THOC1: variants seen among roughly 807,000 people sequenced by gnomAD.
The protein encoded by THOC1 is THO complex subunit 1.
THOC1 carries 29 observed loss-of-function variants against 97.3 expected under a neutral mutation model. That is an observed-to-expected ratio of 0.30 (90% CI 0.22 to 0.41). The LOEUF (loss-of-function observed/expected upper bound fraction) is 0.41, where lower values mean the gene tolerates loss of function less well. THOC1 is among the 10% of genes least tolerant of loss of function. THOC1 has a pLI of 1.00. For synonymous variants in THOC1, 255 were observed against 257.0 expected (o/e 0.99, Z 0.07); for missense variants, 529 against 761.9 (o/e 0.69, Z 3.60).
At chr18:240,137 G>T (rs2143227714) in intron 11 of THOC1, among the ~76,000 whole-genome samples, 1 of 152,312 alleles carries the variant, frequency 6.6e-6, no homozygotes, top group South Asian at 2.1e-4. Context: ...CTAATAAGAA[G>T]GTTGGGTGAC....
At chr18:231,140 G>T (rs1003316906) in intron 11 of THOC1, among the ~76,000 whole-genome samples, 1 of 151,876 alleles carries the variant, frequency 6.6e-6, no homozygotes, top group African/African-American at 2.4e-5. Flanking sequence ...AGTACAGAAG[G>T]GTCTCGCTAT....
intron 11 of THOC1, among the ~76,000 whole-genome samples, chr18:228,527 G>GGA (rs753600011): frequency 7.3e-5 from 11 of 150,580 alleles, no homozygotes; most frequent in Non-Finnish European, 1.5e-4. Context: ...ATGTAAGGGG[G>GGA]AAAAAAAAAC....
chr18:263,508 T>C (rs1912670488), intron 4 of THOC1: 1 of 152,552 alleles, frequency 6.6e-6, no homozygotes, highest in African/African-American at 2.4e-5. Context: ...TTTCTTAGTA[T>C]GTCTAACAAA....
In THOC1 at chr18:214,885, T is replaced by G. The variant is rs1179413090; in HGVS notation, c.1715A>C (p.Glu572Ala). 6.2e-7 allele frequency: 1 copy of G among 1,613,858 alleles called. No homozygotes were observed. The highest frequency in any genetic ancestry group is 1.3e-5 in the African/African-American group (1 of 74,918). Residue 572 changes from glutamate (E) to alanine (A), a missense_variant, in exon 21 of 21, where the codon GAA becomes GCA. Physicochemically the swap from Glu to Ala is moderately radical, Grantham distance 107. Coordinates refer to ENST00000261600, the MANE Select transcript of THOC1 (RefSeq NM_005131.3). Reference protein sequence around the residue: ...DVRRDKPVTGEQIEVFANKLG... With the variant: ...DVRRDKPVTGAQIEVFANKLG... Reference sequence around the variant, plus strand: ...CTTGTTGGCAAATACCTCTATTTGTTCTCCTGTTACAGGTTTGTCTCGCCG... The same window carrying G: ...CTTGTTGGCAAATACCTCTATTTGTGCTCCTGTTACAGGTTTGTCTCGCCG...
intron 11 of THOC1, among the ~76,000 whole-genome samples, chr18:227,244 G>A (rs1210624214): frequency 1.3e-5 from 2 of 152,134 alleles, no homozygotes; most frequent in Non-Finnish European, 2.9e-5. Context: ...TACTCAGGAA[G>A]CTGAGAAGGA....
At chr18:227,043 G>A in intron 11 of THOC1, 142 bp from the exon 12 acceptor site, 1 of 666,086 alleles carries the variant, frequency 1.5e-6, no homozygotes, top group Non-Finnish European at 2.6e-6. Context: ...TGCATGTGAG[G>A]CATTACCGCA....
intron 12 of THOC1, chr18:226,546 C>T (rs985517015): frequency 4.0e-5 from 14 of 352,138 alleles, no homozygotes; most frequent in Non-Finnish European, 6.8e-5. Flanking sequence ...GCAGAGACCT[C>T]CACCTGCTAA....
rs567808886 is a variant in THOC1 at position 217,705 on chromosome 18, A to AAAT, written c.1455-1075_1455-1073dup. 4.6e-5 allele frequency among the ~76,000 whole-genome samples: 7 copies of AAAT among 152,302 alleles called. No individual in the cohort carries two copies. In the East Asian group the frequency reaches 1.4e-3, roughly 29 times the overall value. ...CATTTGGATAGTGGTAAGTGCCGTG[A>AAAT]AATAAAAACCACGAGAATGCAAAAG... On this transcript the variant is annotated intron_variant, in intron 18 of 20. Transcript: ENST00000261600.
intron 1 of THOC1, among the ~76,000 whole-genome samples, chr18:267,210 T>C (rs1912803391): frequency 6.6e-6 from 1 of 152,120 alleles, no homozygotes; most frequent in Non-Finnish European, 1.5e-5. Context: ...ATACTTACGT[T>C]GCTGTGACGA....
chr18:245,443 A>G (rs1473096559), intron 11 of THOC1: 1 of 152,176 alleles, frequency 6.6e-6, no homozygotes, highest in Admixed American at 6.5e-5. Flanking sequence ...AGCATATCAC[A>G]TATCTGGTCA....
chr18:244,274 T>G (rs1291413338), intron 11 of THOC1: 1 of 152,194 alleles, frequency 6.6e-6, no homozygotes, highest in Non-Finnish European at 1.5e-5. Flanking sequence ...GTAAATTTAC[T>G]GTCATATTTT....
At chr18:234,685 C>T (rs1271273090) in intron 11 of THOC1, among the ~76,000 whole-genome samples, 3 of 152,086 alleles carry the variant, frequency 2.0e-5, no homozygotes, top group East Asian at 1.9e-4. Flanking sequence ...CCCAGCCAAT[C>T]GGTTGTTAAT....
chr18:234,562 T>C (rs1911606822), intron 11 of THOC1, among the ~76,000 whole-genome samples: 1 of 152,212 alleles, frequency 6.6e-6, no homozygotes, highest in African/African-American at 2.4e-5. Flanking sequence ...TTGTTTTGTT[T>C]TTTCAGACAC....
chr18:237,981 C>T (rs550945242), intron 11 of THOC1, among the ~76,000 whole-genome samples: 25 of 152,242 alleles, frequency 1.6e-4, no homozygotes, highest in African/African-American at 5.5e-4. Flanking sequence ...ATCCCCATGC[C>T]TCCGCCTCTA....
intron 11 of THOC1, among the ~76,000 whole-genome samples, chr18:229,327 T>C (rs181500429): frequency 1.3e-5 from 2 of 152,344 alleles, no homozygotes; most frequent in East Asian, 3.9e-4. Context: ...CTATAGGCAC[T>C]GTTGCCAATC....
intron 11 of THOC1, among the ~76,000 whole-genome samples, chr18:232,677 G>T (rs1277308741): frequency 6.6e-6 from 1 of 151,942 alleles, no homozygotes; most frequent in Non-Finnish European, 1.5e-5. Flanking sequence ...AAAGTATTCT[G>T]CAAAGTGGTT....
At chr18:262,254 C>A (rs1212379290) in intron 4 of THOC1, among the ~76,000 whole-genome samples, 1 of 152,204 alleles carries the variant, frequency 6.6e-6, no homozygotes, top group African/African-American at 2.4e-5. Flanking sequence ...CCTAACTAGT[C>A]ACCTTTGAAT....
At chr18:224,836 T>A (rs1911222749) in intron 15 of THOC1, 88 bp downstream of exon 15, 1 of 1,047,812 alleles carries the variant, frequency 9.5e-7, no homozygotes, top group Non-Finnish European at 1.4e-6. Flanking sequence ...TTTTACATGC[T>A]ATAATCATAT....
chr18:228,161 C>G (rs1911361542), intron 11 of THOC1, among the ~76,000 whole-genome samples: 2 of 152,272 alleles, frequency 1.3e-5, no homozygotes, highest in South Asian at 4.2e-4. Flanking sequence ...AGGCCCATCT[C>G]TGCTCCAGCT....
Sources: gnomAD v4.1 joint callset for allele counts (sites outside exome capture counted in the v4.1 genomes callset) on GRCh38, gnomAD v4.1.1 for gene constraint, MANE v1.5 for transcripts, NCBI Gene and HGNC (gene_info 2026-07-23, HGNC 2026-07-21) for gene names.